The following FGD4 variants were observed in gnomAD, a reference collection of about 807,000 sequenced individuals.
FGD4 encodes FYVE, RhoGEF and PH domain containing 4.
A neutral mutation model predicts 102.0 loss-of-function variants in FGD4; 42 were observed. The observed-to-expected ratio is 0.41, with a 90% CI of 0.32 to 0.53. The LOEUF is 0.53. Ranked by LOEUF, FGD4 falls within the 20% of genes least tolerant of loss-of-function variation. The pLI is 0.21. For synonymous variants in FGD4, 380 were observed against 375.7 expected (o/e 1.01, Z -0.13); for missense variants, 902 against 1,078.2 (o/e 0.84, Z 2.29).
intron 1 of FGD4, among the ~76,000 whole-genome samples, chr12:32,438,491 G>T (rs547760167): frequency 6.6e-6 from 1 of 152,238 alleles, no homozygotes; most frequent in South Asian, 2.1e-4. Context: ...GTTGAAATTA[G>T]GAGAGGTATG....
At chr12:32,423,256 C>A (rs542846830) in intron 1 of FGD4, among the ~76,000 whole-genome samples, 1 of 152,188 alleles carries the variant, frequency 6.6e-6, no homozygotes, top group South Asian at 2.1e-4. Context: ...GGAAAGAATT[C>A]AAGAACAAGC....
At chr12:32,612,918 T>A (rs2136790722) in intron 10 of FGD4, among the ~76,000 whole-genome samples, 1 of 152,322 alleles carries the variant, frequency 6.6e-6, no homozygotes, top group African/African-American at 2.4e-5. Context: ...CAGACAATTT[T>A]TTTTTCTTTG....
chr12:32,534,093 T>G (rs976676278), intron 1 of FGD4, among the ~76,000 whole-genome samples: 2 of 152,250 alleles, frequency 1.3e-5, no homozygotes, highest in African/African-American at 4.8e-5. Context: ...TTACTAATAG[T>G]TAAGGCATTA....
rs983998997 is a variant in FGD4 at position 32,575,496 on chromosome 12, A to G, written c.320-770A>G. On this transcript the variant is annotated intron_variant, in intron 2 of 16. Transcript: ENST00000534526. ...TATGGCAAGAATTGTACCAAGCCAT[A>G]CGTGAGGGATCTGCACACATGACTC... 2.0e-5 allele frequency among the ~76,000 whole-genome samples: 3 copies of G among 152,324 alleles called. No homozygotes were observed. In the East Asian group the frequency reaches 5.8e-4, roughly 29 times the overall value.
At chr12:32,565,488 C>G (rs769903128) in intron 2 of FGD4, among the ~76,000 whole-genome samples, 1 of 152,116 alleles carries the variant, frequency 6.6e-6, no homozygotes, top group African/African-American at 2.4e-5. Context: ...AATTCCATTT[C>G]GCCCATTAGA....
chr12:32,642,528 A>T lies in FGD4; in HGVS notation c.*1995A>T, dbSNP rs1009952688. On this transcript the variant is annotated 3_prime_UTR_variant, in exon 17 of 17. Coordinates refer to ENST00000534526, the MANE Select transcript of FGD4 (RefSeq NM_001370298.3). ...GAAAACTATTTTTAAAAGCAAGAAG[A>T]CTACACTTTCCCTACCAAAACAGAA... The T allele has an allele frequency of 6.6e-6, 1 of 152,072 alleles. No individual in the cohort carries two copies. The highest frequency in any genetic ancestry group is 2.4e-5 in the African/African-American group (1 of 41,436). 9.4% of individuals were successfully genotyped at this position (152,072 alleles called of 1,614,324 possible). A position where few individuals can be genotyped will look rare whatever the true frequency, so the allele number is the denominator to read the frequency against.
At chr12:32,530,625 A>T (rs535030675) in intron 1 of FGD4, among the ~76,000 whole-genome samples, 1 of 152,330 alleles carries the variant, frequency 6.6e-6, no homozygotes, top group East Asian at 1.9e-4. Context: ...GAGGTATTTT[A>T]TGAATAGCTG....
intron 8 of FGD4, among the ~76,000 whole-genome samples, chr12:32,610,250 G>A (rs1232625461): frequency 6.6e-6 from 1 of 152,210 alleles, no homozygotes; most frequent in African/African-American, 2.4e-5. Context: ...GCCAAATGGA[G>A]CTAAAATACT....
intron 4 of FGD4, among the ~76,000 whole-genome samples, chr12:32,588,268 C>T (rs1947206206): frequency 6.6e-6 from 1 of 152,134 alleles, no homozygotes; most frequent in Middle Eastern, 3.4e-3. Context: ...CAAAGTTGAG[C>T]AAATGTATAT....
chr12:32,532,181 A>G (rs1310776589), intron 1 of FGD4, among the ~76,000 whole-genome samples: 1 of 152,242 alleles, frequency 6.6e-6, no homozygotes, highest in African/African-American at 2.4e-5. Flanking sequence ...AGAGATTAAC[A>G]GCAATAGCAA....
chr12:32,475,950 TC>T (rs2136532718), intron 1 of FGD4, among the ~76,000 whole-genome samples: 1 of 152,342 alleles, frequency 6.6e-6, no homozygotes, highest in African/African-American at 2.4e-5. Flanking sequence ...ACCAAACAGT[TC>T]CTTTTTAAAT....
chr12:32,619,871 G>A lies in FGD4; in HGVS notation c.1922+1G>A, dbSNP rs1268165978. The A allele has an allele frequency of 1.2e-6, 2 of 1,614,100 alleles. No homozygotes were observed. The highest frequency in any genetic ancestry group is 1.7e-6 in the Non-Finnish European group (2 of 1,180,024). On this transcript the variant is annotated splice_donor_variant, in intron 11 of 16. Coordinates refer to ENST00000534526, the MANE Select transcript of FGD4 (RefSeq NM_001370298.3). LOFTEE classifies it high-confidence loss of function. The stretch of plus-strand genomic sequence containing the variant: ...AGAGAACACTGGAACTGCAGGCCAG[G>A]TAAGGGAACCATTTCTATCACACTG...
At chr12:32,584,394 A>G (rs1946843303) in intron 4 of FGD4, among the ~76,000 whole-genome samples, 1 of 152,194 alleles carries the variant, frequency 6.6e-6, no homozygotes, top group Non-Finnish European at 1.5e-5. Context: ...TTTTACCACA[A>G]TTAAGAAAAA....
chr12:32,640,135 G>A, intron 16 of FGD4, 141 bp from the exon 17 acceptor site: 1 of 1,245,922 alleles, frequency 8.0e-7, no homozygotes, highest in Non-Finnish European at 1.2e-6. Context: ...TAAGCAATGG[G>A]ATTGCCCTCT....
chr12:32,570,322 A>G (rs1204507821), intron 2 of FGD4, among the ~76,000 whole-genome samples: 1 of 151,760 alleles, frequency 6.6e-6, no homozygotes, highest in East Asian at 1.9e-4. Context: ...TATGGATTTA[A>G]TTTGTATTTC....
intron 7 of FGD4, among the ~76,000 whole-genome samples, chr12:32,607,316 A>G (rs1437031254): frequency 6.6e-6 from 1 of 152,156 alleles, no homozygotes; most frequent in African/African-American, 2.4e-5. Flanking sequence ...ACGTGCCTAT[A>G]GCTACTTGGA....
intron 3 of FGD4, among the ~76,000 whole-genome samples, chr12:32,577,800 C>G (rs1028899725): frequency 5.3e-5 from 8 of 151,966 alleles, no homozygotes; most frequent in Admixed American, 5.2e-4. Context: ...ACAGAGTGAC[C>G]CCTCATGTTT....
chr12:32,612,768 T>G (rs115084433), intron 10 of FGD4, among the ~76,000 whole-genome samples: 1,975 of 152,274 alleles, frequency 0.013, 40 homozygotes, highest in African/African-American at 0.045. Flanking sequence ...AAGTCTTGTG[T>G]CTAAAATATC....
intron 14 of FGD4, among the ~76,000 whole-genome samples, chr12:32,630,647 C>A (rs1950446015): frequency 6.6e-6 from 1 of 152,068 alleles, no homozygotes; most frequent in African/African-American, 2.4e-5. Context: ...GAAACCCCGT[C>A]TCTACTAAAA....
Sources: gnomAD v4.1 joint callset for allele counts (sites outside exome capture counted in the v4.1 genomes callset) on GRCh38, gnomAD v4.1.1 for gene constraint, MANE v1.5 for transcripts, NCBI Gene and HGNC (gene_info 2026-07-23, HGNC 2026-07-21) for gene names.